KCTD2: variants seen among roughly 807,000 people sequenced by gnomAD.
The protein encoded by KCTD2 is BTB/POZ domain-containing protein KCTD2.
KCTD2 carries 18 observed loss-of-function variants against 27.9 expected under a neutral mutation model. The observed-to-expected ratio is 0.64, with a 90% CI of 0.45 to 0.96. The LOEUF (loss-of-function observed/expected upper bound fraction) is 0.96. Among genes scored for constraint, KCTD2 ranks in the 40% least tolerant of loss-of-function variants. The probability of loss-of-function intolerance (pLI) is 0.00; values close to 1 mark genes in which losing one functional copy is unlikely to be tolerated. For synonymous variants in KCTD2, 175 were observed against 148.4 expected (o/e 1.18, Z -1.30); for missense variants, 280 against 348.0 (o/e 0.80, Z 1.56).
chr17:75,061,417 G>T, intron 4 of KCTD2, among the ~76,000 whole-genome samples: 1 of 152,170 alleles, frequency 6.6e-6, no homozygotes, highest in East Asian at 1.9e-4. Context: ...GGCCACGGTG[G>T]GAGGATTGCT....
chr17:75,037,836 T>C (rs1467239640), intron 3 of KCTD2, among the ~76,000 whole-genome samples: 1 of 151,932 alleles, frequency 6.6e-6, no homozygotes, highest in Non-Finnish European at 1.5e-5. Flanking sequence ...GATCACAAGG[T>C]CAGGAGATCG....
chr17:75,037,975 TGA>T (rs1309220108), intron 3 of KCTD2, among the ~76,000 whole-genome samples: 2 of 151,642 alleles, frequency 1.3e-5, no homozygotes, highest in African/African-American at 2.4e-5. Flanking sequence ...CATGAACCCA[TGA>T]GGTAAAGGTT....
At chr17:75,051,000 GTC>G (rs2073278397) in intron 2 of KCTD2, among the ~76,000 whole-genome samples, 2 of 147,656 alleles carry the variant, frequency 1.4e-5, no homozygotes, top group African/African-American at 5.1e-5. Flanking sequence ...TTGAGACGGA[GTC>G]TTGCTCTGTT....
chr17:75,049,140 A>C (rs141432417), intron 1 of KCTD2, 80 bp from the exon 2 acceptor site: 241 of 828,574 alleles, frequency 2.9e-4, no homozygotes, highest in African/African-American at 2.4e-3. Flanking sequence ...GGCGCTGACA[A>C]AGATGGTGAA....
At chr17:75,061,285 C>G (rs1390912634) in intron 4 of KCTD2, among the ~76,000 whole-genome samples, 1 of 152,210 alleles carries the variant, frequency 6.6e-6, no homozygotes, top group East Asian at 1.9e-4. Context: ...TCTGCCTGAG[C>G]TGCTCCCCTG....
At chr17:75,049,586 C>A (rs138283109) in intron 2 of KCTD2, among the ~76,000 whole-genome samples, 1 of 152,256 alleles carries the variant, frequency 6.6e-6, no homozygotes, top group Non-Finnish European at 1.5e-5. Context: ...GAGTTCTTTC[C>A]GAATCTCCAG....
upstream of KCTD2, among the ~76,000 whole-genome samples, chr17:75,045,369 G>C (rs906050302): frequency 2.0e-5 from 3 of 152,184 alleles, no homozygotes; most frequent in Non-Finnish European, 4.4e-5. Flanking sequence ...CAGGAGACAG[G>C]GTTTTCAGAT....
chr17:75,040,250 A>C, intron 3 of KCTD2: 1 of 1,510,154 alleles, frequency 6.6e-7, no homozygotes, highest in Non-Finnish European at 9.2e-7. Flanking sequence ...CCAGGAGCTC[A>C]AAGGGCTGGA....
In KCTD2 at chr17:75,032,763, G is replaced by C. The variant is rs2040077725; in HGVS notation, c.-470+39G>C. 1 of 152,132 alleles carries C rather than the reference G, an allele frequency of 6.6e-6. No individual in the cohort carries two copies. Among genetic ancestry groups the C allele is most frequent in the South Asian group, 2.1e-4 (1 of 4,824 alleles). The allele number at this position is 152,132 out of a possible 1,614,324, so 9.4% of individuals were successfully genotyped here. ...CCGGGCGGGCGGGTTGGGGGAACAT[G>C]CCTAGCTAGAGGGCGGCAGCAGGAA... On this transcript the variant is annotated intron_variant, in intron 1 of 7. Transcript: ENST00000581589. The surrounding 1 kb of genome is among the most constrained non-coding windows in gnomAD (Gnocchi z 4.8).
rs2073231148 is a variant in KCTD2, at chr17:75,047,225, A to T, written c.-26A>T. ...TGGGCCGGCCCGGCTGCGCGCGGGCAGCAGCGGTGGCGGCGGCGGTCCAAG... is the reference window on the plus strand; with the variant it reads ...TGGGCCGGCCCGGCTGCGCGCGGGCTGCAGCGGTGGCGGCGGCGGTCCAAG... On this transcript the variant is annotated 5_prime_UTR_variant, in exon 1 of 6. Transcript: ENST00000322444. 3.1e-6 allele frequency: 2 copies of T among 643,856 alleles called. No homozygotes were observed. The highest frequency in any genetic ancestry group is 2.0e-5 in the African/African-American group (1 of 50,402). 39.9% of individuals were successfully genotyped at this position (643,856 alleles called of 1,614,324 possible).
chr17:75,058,298 G>C (rs1420377518), intron 3 of KCTD2, among the ~76,000 whole-genome samples: 1 of 150,500 alleles, frequency 6.6e-6, no homozygotes, highest in African/African-American at 2.5e-5. Flanking sequence ...TTGCACTCCA[G>C]CCTGGGCGAC....
At chr17:75,045,509 G>T (rs888261712), upstream of KCTD2, among the ~76,000 whole-genome samples, 8 of 152,196 alleles carry the variant, frequency 5.3e-5, no homozygotes, top group African/African-American at 1.7e-4. Context: ...CCCCAGGGGG[G>T]CCAGTTCAGA....
rs545357023 is a variant in KCTD2 at position 75,039,380 on chromosome 17, G to A, written c.-259+4023G>A. 30 of 979,078 alleles carry A rather than the reference G, an allele frequency of 3.1e-5. No individual in the cohort carries two copies. The South Asian group carries it at 4.0e-4, about 13-fold the overall frequency. 60.6% of individuals were successfully genotyped at this position (979,078 alleles called of 1,614,324 possible). On this transcript the variant is annotated intron_variant, in intron 3 of 7. Transcript: ENST00000581589. Reference sequence around the variant, plus strand: ...ACTCCTGCTGTCCTATTGCTCTATGGAGAAACTGTGGTTACCCTGAGTGGG... The same window carrying A: ...ACTCCTGCTGTCCTATTGCTCTATGAAGAAACTGTGGTTACCCTGAGTGGG...
chr17:75,050,887 A>G (rs949035631), intron 2 of KCTD2, among the ~76,000 whole-genome samples: 1 of 151,786 alleles, frequency 6.6e-6, no homozygotes, highest in Non-Finnish European at 1.5e-5. Flanking sequence ...TATCTTGCCC[A>G]GGCTGGTCTC....
intron 3 of KCTD2, 50 bp downstream of exon 3, chr17:75,053,155 C>T (rs957849599): frequency 4.2e-6 from 6 of 1,424,782 alleles, no homozygotes; most frequent in South Asian, 3.5e-5. Flanking sequence ...GGGCTTCTGT[C>T]GGTCGGTCTG....
chr17:75,045,203 C>G (rs1203132648), upstream of KCTD2, among the ~76,000 whole-genome samples: 2 of 152,040 alleles, frequency 1.3e-5, no homozygotes, highest in Non-Finnish European at 2.9e-5. Flanking sequence ...AGGGAGTATA[C>G]GAATAGGTGT....
At chr17:75,050,423 G>A (rs563041713) in intron 2 of KCTD2, among the ~76,000 whole-genome samples, 25 of 152,068 alleles carry the variant, frequency 1.6e-4, no homozygotes, top group Admixed American at 5.9e-4. Context: ...CACCATGCTT[G>A]ACTAATTTTT....
chr17:75,063,840 G>T lies in KCTD2; in HGVS notation c.*793G>T, dbSNP rs1298899601. 6.5e-6 allele frequency: 1 copy of T among 152,702 alleles called. No homozygotes were observed. The highest frequency in any genetic ancestry group is 1.5e-5 in the Non-Finnish European group (1 of 68,106). 9.5% of individuals were successfully genotyped at this position (152,702 alleles called of 1,614,324 possible). A position where few individuals can be genotyped will look rare whatever the true frequency, so the allele number is the denominator to read the frequency against. On this transcript the variant is annotated 3_prime_UTR_variant, in exon 6 of 6. Coordinates refer to ENST00000322444, the MANE Select transcript of KCTD2 (RefSeq NM_015353.3). ...AGTGGGAGCTGTAGGAACTGCACCT[G>T]CAGCCTCTTCTTACTCCCCATTGAC... is the stretch of plus-strand genomic sequence containing the variant.
intron 4 of KCTD2, chr17:75,060,468 C>T: frequency 6.2e-7 from 1 of 1,611,330 alleles, no homozygotes; most frequent in South Asian, 1.1e-5. Flanking sequence ...CAAGGTGATA[C>T]TTTCAGAAAC....
Sources: allele counts gnomAD v4.1 joint callset (sites outside exome capture counted in the v4.1 genomes callset), GRCh38; gene constraint gnomAD v4.1.1; non-coding constraint Gnocchi (gnomAD v3.1); transcripts MANE v1.5; gene names NCBI Gene and HGNC (gene_info 2026-07-23, HGNC 2026-07-21).